Variants in CRISP1 observed in about 807,000 individuals in gnomAD.
The protein encoded by CRISP1 is cysteine-rich secretory protein 1.
In CRISP1, 44 loss-of-function variants were observed where a neutral mutation model predicts 33.1. The ratio of observed to expected loss-of-function variants is 1.33; its 90% CI spans 1.05 to 1.71. CRISP1 has a LOEUF of 1.71. Ranked by LOEUF, CRISP1 falls within the 40% of genes most tolerant of loss-of-function variation. The pLI is 0.00. For missense variants in CRISP1, 390 were observed against 301.2 expected (o/e 1.29, Z -2.18); for synonymous variants, 103 against 98.7 (o/e 1.04, Z -0.26).
intron 1 of CRISP1, among the ~76,000 whole-genome samples, chr6:49,862,223 T>C (rs1771673052): frequency 6.6e-6 from 1 of 151,926 alleles, no homozygotes; most frequent in Admixed American, 6.6e-5. Context: ...AAAATCAACA[T>C]GCAAAAATCA....
At chr6:49,875,436 A>T (rs1338574398) in intron 1 of CRISP1, among the ~76,000 whole-genome samples, 2 of 152,066 alleles carry the variant, frequency 1.3e-5, no homozygotes, top group Non-Finnish European at 2.9e-5. Flanking sequence ...ATGCTCATGG[A>T]TAGGAAGAAT....
At chr6:49,853,944 C>T (rs1771423828) in intron 2 of CRISP1, among the ~76,000 whole-genome samples, 1 of 152,142 alleles carries the variant, frequency 6.6e-6, no homozygotes, top group African/African-American at 2.4e-5. Context: ...TAAGATTGAC[C>T]TCAAATAGTT....
intron 5 of CRISP1, among the ~76,000 whole-genome samples, chr6:49,841,828 T>C (rs1469699387): frequency 2.6e-5 from 4 of 152,132 alleles, no homozygotes; most frequent in African/African-American, 9.7e-5. Flanking sequence ...GCCTCTGAGT[T>C]TCATTTTCTC....
In CRISP1 at chr6:49,838,475, C is replaced by A; in HGVS notation, c.584G>T (p.Cys195Phe). The change falls in exon 7 of 8, where the codon TGT becomes TTT. Residue 195 changes from cysteine to phenylalanine, a missense_variant. By Grantham distance (205) the Cys-to-Phe change is radical. Transcript: ENST00000335847. ...TTCACAGTTACTTGGGCAGGCTTCA[C>A]ATGGGACGCCTGTCTTATAAGGTTC... ...KNEPYKTGVP[C>F]EACPSNCEDK... is the part of the protein sequence containing the mutation. The A allele has an allele frequency of 1.9e-6, 3 of 1,613,486 alleles. No homozygotes were observed. In the South Asian group the frequency reaches 3.3e-5, roughly 18 times the overall value.
intron 7 of CRISP1, among the ~76,000 whole-genome samples, chr6:49,837,210 T>C (rs1271284686): frequency 6.6e-6 from 1 of 152,224 alleles, no homozygotes; most frequent in Non-Finnish European, 1.5e-5. Context: ...TAAGTTCATA[T>C]ATTCCTTTAA....
chr6:49,859,843 C>A (rs1771599314), intron 1 of CRISP1, among the ~76,000 whole-genome samples: 1 of 151,784 alleles, frequency 6.6e-6, no homozygotes, highest in African/African-American at 2.4e-5. Flanking sequence ...AAATATGACC[C>A]AACTGTATTC....
chr6:49,856,450 A>C (rs895939327), intron 2 of CRISP1, among the ~76,000 whole-genome samples: 1 of 152,180 alleles, frequency 6.6e-6, no homozygotes, highest in Non-Finnish European at 1.5e-5. Context: ...CAGGACGCTA[A>C]TTCCAGCTTA....
At chr6:49,868,800 G>A (rs187730504), upstream of CRISP1, among the ~76,000 whole-genome samples, 1 of 152,116 alleles carries the variant, frequency 6.6e-6, no homozygotes, top group Non-Finnish European at 1.5e-5. Context: ...TATGTTGCAA[G>A]GGCTCAATGA....
At chr6:49,844,844 A>AT (rs1771108878) in intron 5 of CRISP1, among the ~76,000 whole-genome samples, 3 of 152,162 alleles carry the variant, frequency 2.0e-5, no homozygotes, top group East Asian at 1.9e-4. Context: ...AGCATATAAC[A>AT]TTTTTTGTTT....
chr6:49,865,327 TA>T (rs1472373346), intron 1 of CRISP1, among the ~76,000 whole-genome samples: 1 of 152,140 alleles, frequency 6.6e-6, no homozygotes, highest in Non-Finnish European at 1.5e-5. Context: ...TACCTTCCAC[TA>T]AAAACAAAAA....
At chr6:49,839,714 G>C (rs181754719) in intron 6 of CRISP1, among the ~76,000 whole-genome samples, 101 of 152,208 alleles carry the variant, frequency 6.6e-4, no homozygotes, top group African/African-American at 2.4e-3. Context: ...TCCATATTTT[G>C]TACTTTTCTT....
chr6:49,867,517 A>C (rs926768781), upstream of CRISP1, among the ~76,000 whole-genome samples: 7 of 152,086 alleles, frequency 4.6e-5, no homozygotes, highest in African/African-American at 1.4e-4. Flanking sequence ...ATAAGGTAAG[A>C]ATTGTGTAGT....
intron 1 of CRISP1, among the ~76,000 whole-genome samples, chr6:49,860,105 G>A (rs1430011649): frequency 6.6e-6 from 1 of 152,086 alleles, no homozygotes; most frequent in East Asian, 1.9e-4. Context: ...CAACAATGGA[G>A]CACCTAGATA....
intron 3 of CRISP1, among the ~76,000 whole-genome samples, chr6:49,848,725 A>G (rs577304948): frequency 1.6e-4 from 25 of 152,314 alleles, no homozygotes; most frequent in Admixed American, 5.9e-4. Flanking sequence ...TCCAAGGAAT[A>G]CAACTGAGAT....
At chr6:49,848,828 A>G (rs1561943496) in intron 3 of CRISP1, among the ~76,000 whole-genome samples, 1 of 152,184 alleles carries the variant, frequency 6.6e-6, no homozygotes, top group Non-Finnish European at 1.5e-5. Flanking sequence ...AACAAAAATA[A>G]AAGCTAACAC....
chr6:49,853,916 T>A (rs946538873), intron 2 of CRISP1, among the ~76,000 whole-genome samples: 4 of 152,188 alleles, frequency 2.6e-5, no homozygotes, highest in African/African-American at 9.6e-5. Flanking sequence ...AACACATATC[T>A]GCATGACCCC....
chr6:49,868,935 T>G (rs998385352), upstream of CRISP1, among the ~76,000 whole-genome samples: 8 of 152,162 alleles, frequency 5.3e-5, no homozygotes, highest in Non-Finnish European at 1.0e-4. Context: ...CCCTGGGAGA[T>G]TAATGGCCCT....
intron 3 of CRISP1, among the ~76,000 whole-genome samples, chr6:49,850,678 T>C (rs1210047491): frequency 6.6e-6 from 1 of 152,176 alleles, no homozygotes; most frequent in African/African-American, 2.4e-5. Context: ...ACTTTTATCG[T>C]CTTCTTGATA....
At chr6:49,855,576 G>C (rs909168211) in intron 2 of CRISP1, among the ~76,000 whole-genome samples, 2 of 151,854 alleles carry the variant, frequency 1.3e-5, no homozygotes, top group Non-Finnish European at 2.9e-5. Flanking sequence ...GGTATACCGT[G>C]TGCTCAGATA....
Sources: gnomAD v4.1 joint callset for allele counts (sites outside exome capture counted in the v4.1 genomes callset) on GRCh38, gnomAD v4.1.1 for gene constraint, MANE v1.5 for transcripts, NCBI Gene and HGNC (gene_info 2026-07-23, HGNC 2026-07-21) for gene names.